Variants in CUX1 observed in about 807,000 individuals in gnomAD.
The protein encoded by CUX1 is protein CASP.
CUX1 carries 31 observed loss-of-function variants against 158.8 expected under a neutral mutation model. The observed-to-expected ratio is 0.20, with a 90% confidence interval of 0.15 to 0.26. The LOEUF (loss-of-function observed/expected upper bound fraction) is 0.26, where lower values mean the gene tolerates loss of function less well. CUX1 is among the 10% of genes least tolerant of loss of function. CUX1 has a pLI of 1.00. For missense variants in CUX1, 1,589 were observed against 2,014.6 expected (o/e 0.79, Z 4.04); for synonymous variants, 879 against 862.1 (o/e 1.02, Z -0.34).
At chr7:102,075,122 G>T (rs765673663) in intron 4 of CUX1, among the ~76,000 whole-genome samples, 6 of 152,068 alleles carry the variant, frequency 3.9e-5, no homozygotes, top group Non-Finnish European at 7.4e-5. Context: ...GCCTCCAAAA[G>T]TGCTGGGATT....
At chr7:102,023,345 G>C (rs927895245) in intron 2 of CUX1, among the ~76,000 whole-genome samples, 1 of 152,210 alleles carries the variant, frequency 6.6e-6, no homozygotes, top group Admixed American at 6.5e-5. Flanking sequence ...GTGTGCATGA[G>C]GACCAGTAAG....
At chr7:102,005,409 A>T (rs1450636483) in intron 2 of CUX1, among the ~76,000 whole-genome samples, 1 of 152,140 alleles carries the variant, frequency 6.6e-6, no homozygotes, top group African/African-American at 2.4e-5. Context: ...TCATAGCTCC[A>T]CTGCAGCCTC....
chr7:102,003,519 TC>T (rs1816968459), intron 2 of CUX1, among the ~76,000 whole-genome samples: 1 of 152,142 alleles, frequency 6.6e-6, no homozygotes, highest in African/African-American at 2.4e-5. Flanking sequence ...GAAGGGGATC[TC>T]CGTTCGAGTC....
intron 1 of CUX1, among the ~76,000 whole-genome samples, chr7:101,890,587 C>T (rs957036829): frequency 1.3e-5 from 2 of 152,004 alleles, no homozygotes; most frequent in South Asian, 2.1e-4. Flanking sequence ...TTTTAAGCTG[C>T]TGGTTTTGCG....
At chr7:101,844,598 C>G (rs1263444125) in intron 1 of CUX1, among the ~76,000 whole-genome samples, 3 of 151,764 alleles carry the variant, frequency 2.0e-5, no homozygotes, top group Non-Finnish European at 2.9e-5. Context: ...TCTTTTTATC[C>G]TTGTCATCGT....
In CUX1 at chr7:102,257,072, G is replaced by T; in HGVS notation, c.*8030G>T. The T allele has an allele frequency of 1.0e-6, 1 of 985,440 alleles. No homozygotes were observed. Among genetic ancestry groups the T allele is most frequent in the Non-Finnish European group, 1.2e-6 (1 of 829,980 alleles). The allele number at this position is 985,440 out of a possible 1,614,324, so 61.0% of individuals were successfully genotyped here. The stretch of plus-strand genomic sequence containing the variant: ...CCAAGCTCAGCCAGCAGGACACCCA[G>T]TTGTTGCCAATCAGGTGTGAAGGTG... On this transcript the variant is annotated 3_prime_UTR_variant, in exon 24 of 24. Transcript: ENST00000292535.
intron 8 of CUX1, among the ~76,000 whole-genome samples, chr7:102,143,519 C>T (rs1554501031): frequency 6.6e-6 from 1 of 152,170 alleles, no homozygotes; most frequent in East Asian, 1.9e-4. Flanking sequence ...GCGATCCTCC[C>T]ACCTTGGCCT....
At chr7:101,936,011 C>T (rs911166082) in intron 2 of CUX1, among the ~76,000 whole-genome samples, 1 of 152,148 alleles carries the variant, frequency 6.6e-6, no homozygotes, top group African/African-American at 2.4e-5. Flanking sequence ...TATTCAACAA[C>T]GATCTGTTGT....
intron 3 of CUX1, among the ~76,000 whole-genome samples, chr7:102,065,068 C>T (rs553934078): frequency 6.6e-6 from 1 of 152,114 alleles, no homozygotes; most frequent in South Asian, 2.1e-4. Flanking sequence ...GACTAAACTC[C>T]AACTTCAGGG....
chr7:101,839,741 C>T (rs1389664155), intron 1 of CUX1, among the ~76,000 whole-genome samples: 7 of 151,630 alleles, frequency 4.6e-5, no homozygotes, highest in Admixed American at 6.6e-5. Context: ...GTTTCACATG[C>T]GAATAATTTG....
chr7:102,227,391 G>C lies in CUX1; in HGVS notation c.3155G>C (p.Ser1052Thr). The part of the protein sequence containing the change: ...SSESTPKTSA[S>T]CSPAPESPMS... Reference sequence around the variant, plus strand: ...GAAAGCACTCCAAAGACCTCCGCCAGCTGCAGCCCTGCCCCTGAGTCCCCG... The same window carrying C: ...GAAAGCACTCCAAAGACCTCCGCCACCTGCAGCCCTGCCCCTGAGTCCCCG... Residue 1052 changes from serine (S) to threonine (T), a missense_variant, in exon 21 of 24, where the codon AGC (serine) becomes ACC (threonine). Ser to Thr is a moderately conservative substitution (Grantham distance 58, BLOSUM62 1). Around this residue, in one of 8 missense-constraint regions of CUX1, gnomAD observed 259 missense variants for 373.8 expected, o/e 0.69. Coordinates refer to ENST00000292535, the MANE Select transcript of CUX1 (RefSeq NM_181552.4). 4.3e-6 allele frequency: 7 copies of C among 1,609,522 alleles called. No homozygotes were observed. Among genetic ancestry groups the C allele is most frequent in the South Asian group, 1.1e-5 (1 of 91,044 alleles).
At chr7:102,222,177 C>G (rs1797871332) in intron 20 of CUX1, among the ~76,000 whole-genome samples, 1 of 152,024 alleles carries the variant, frequency 6.6e-6, no homozygotes, top group South Asian at 2.1e-4. Context: ...GGCAAGGAGG[C>G]TAAAGTGGGA....
chr7:102,271,106 G>T (rs990264490), intron 14 of CUX1, among the ~76,000 whole-genome samples: 1 of 152,124 alleles, frequency 6.6e-6, no homozygotes, highest in Non-Finnish European at 1.5e-5. Flanking sequence ...CTTGCCAGGC[G>T]CACACCTCCA....
chr7:102,269,118 T>TTTTG lies in CUX1; in HGVS notation c.1256-4214_1256-4211dup, dbSNP rs71123029. On this transcript the variant is annotated intron_variant, in intron 14 of 22. Coordinates refer to the CUX1 transcript ENST00000292538. The stretch of plus-strand genomic sequence containing the variant: ...CCCAGCTAATTTTTTGTGTGGGTTT[T>TTTTG]TTTGTTTGTTTGTTTGTTTGTTTGT... Among the ~76,000 whole-genome samples, 321 of 148,010 alleles carry TTTTG rather than the reference T, an allele frequency of 2.2e-3. 1 individual carries two copies. Among genetic ancestry groups the TTTTG allele is most frequent in the East Asian group, 0.015 (74 of 4,988 alleles).
intron 2 of CUX1, among the ~76,000 whole-genome samples, chr7:101,974,994 T>A (rs1812465675): frequency 6.6e-6 from 1 of 152,096 alleles, no homozygotes; most frequent in Non-Finnish European, 1.5e-5. Context: ...ATACCTCTAA[T>A]CCCAGCACTT....
chr7:101,821,863 T>G (rs1272447853), intron 1 of CUX1, among the ~76,000 whole-genome samples: 11 of 140,074 alleles, frequency 7.9e-5, no homozygotes, highest in East Asian at 2.0e-4. Flanking sequence ...TTTTGTTTTT[T>G]TTTTTTTTTG....
At chr7:102,075,362 CAG>C in intron 4 of CUX1, among the ~76,000 whole-genome samples, 1 of 152,340 alleles carries the variant, frequency 6.6e-6, no homozygotes, top group Non-Finnish European at 1.5e-5. Context: ...CACTTCCTGA[CAG>C]AGAGGTCTTC....
Position 102,257,884 on chromosome 7 carries a change from A to G in CUX1, c.*8842A>G, listed in dbSNP as rs1790071805. The G allele has an allele frequency of 1.0e-6, 1 of 984,394 alleles. No homozygotes were observed. The highest frequency in any genetic ancestry group is 1.2e-6 in the Non-Finnish European group (1 of 829,618). 61.0% of individuals were successfully genotyped at this position (984,394 alleles called of 1,614,324 possible). ...AATTGACCAAAAAAGAAAAAAGGAAAAAAAAAAAGTCGTCTTTTTTTTTTT... is the reference window on the plus strand; with the variant it reads ...AATTGACCAAAAAAGAAAAAAGGAAGAAAAAAAAGTCGTCTTTTTTTTTTT... On this transcript the variant is annotated 3_prime_UTR_variant, in exon 24 of 24. Coordinates refer to ENST00000292535, the MANE Select transcript of CUX1 (RefSeq NM_181552.4).
chr7:102,114,271 CT>C (rs1335571143), intron 7 of CUX1, among the ~76,000 whole-genome samples: 2 of 152,134 alleles, frequency 1.3e-5, no homozygotes, highest in Non-Finnish European at 2.9e-5. Flanking sequence ...AATACACTTT[CT>C]TTTATTTTGT....
Sources: gnomAD v4.1 joint callset for allele counts (sites outside exome capture counted in the v4.1 genomes callset) on GRCh38, gnomAD v4.1.1 for gene constraint, gnomAD v4.1.1 regional missense constraint, MANE v1.5 for transcripts, NCBI Gene and HGNC (gene_info 2026-07-23, HGNC 2026-07-21) for gene names.